CDC16: variants seen among roughly 807,000 people sequenced by gnomAD.
CDC16 encodes the protein cell division cycle protein 16 homolog.
Under a neutral mutation model 87.0 loss-of-function variants are expected in CDC16, and 34 were observed. The ratio of observed to expected loss-of-function variants is 0.39; its 90% CI spans 0.30 to 0.52. The LOEUF is 0.52. Among genes scored for constraint, CDC16 ranks in the 20% least tolerant of loss-of-function variants. The pLI, the probability that CDC16 is intolerant of heterozygous loss-of-function variation, is 0.74. For synonymous variants in CDC16, 263 were observed against 260.6 expected (o/e 1.01, Z -0.09); for missense variants, 653 against 751.9 (o/e 0.87, Z 1.54).
At chr13:114,257,775 G>GT (rs897936585) in intron 13 of CDC16, among the ~76,000 whole-genome samples, 27 of 151,540 alleles carry the variant, frequency 1.8e-4, no homozygotes, top group Non-Finnish European at 3.5e-4. Flanking sequence ...ATTAGTTTCA[G>GT]TTTTTTTTGG....
At chr13:114,257,312 A>G (rs2082560028) in intron 13 of CDC16, 82 bp downstream of exon 13, 3 of 814,792 alleles carry the variant, frequency 3.7e-6, no homozygotes, top group Middle Eastern at 2.4e-4. Flanking sequence ...CACTGACAAA[A>G]GCGACTCTTC....
At chr13:114,263,153 A>G (rs563370181) in intron 16 of CDC16, 139 bp downstream of exon 16, 20 of 721,548 alleles carry the variant, frequency 2.8e-5, no homozygotes, top group African/African-American at 5.4e-5. Context: ...TTTTCTTTGC[A>G]GAGAAAAGCA....
chr13:114,239,053 T>G (rs1282132360), intron 4 of CDC16, 25 bp downstream of exon 4: 46 of 1,607,576 alleles, frequency 2.9e-5, no homozygotes, highest in Non-Finnish European at 3.7e-5. Flanking sequence ...AATTTCATTT[T>G]TATTTGGTTG....
intron 14 of CDC16, among the ~76,000 whole-genome samples, chr13:114,260,770 A>G (rs2082804324): frequency 6.6e-6 from 1 of 152,216 alleles, no homozygotes; most frequent in South Asian, 2.1e-4. Context: ...GTCATGCCTA[A>G]GAGTCATTAA....
chr13:114,251,776 GTC>G (rs537738517), intron 12 of CDC16, among the ~76,000 whole-genome samples: 57 of 152,340 alleles, frequency 3.7e-4, no homozygotes, highest in Admixed American at 5.9e-4. Context: ...CTATTGAGGA[GTC>G]TCTTCCTGGT....
intron 12 of CDC16, among the ~76,000 whole-genome samples, chr13:114,254,114 C>T (rs941939181): frequency 1.3e-5 from 2 of 152,032 alleles, no homozygotes; most frequent in African/African-American, 2.4e-5. Flanking sequence ...TGTAGGCACA[C>T]CAGCTCTCTT....
At position 114,272,460 on chromosome 13, in the gene CDC16, T is replaced by G; in HGVS notation, c.*17T>G. 2 of 1,608,354 alleles carry G rather than the reference T, an allele frequency of 1.2e-6. No individual in the cohort carries two copies. Among genetic ancestry groups the G allele is most frequent in the Non-Finnish European group, 1.7e-6 (2 of 1,175,504 alleles). ...AGCACGTGACTCCAGTCAGTGGTCC[T>G]GGTCCCACTGTCCCAGTGTAGGTTA... On this transcript the variant is annotated 3_prime_UTR_variant, in exon 18 of 18. Transcript: ENST00000356221.
chr13:114,250,559 A>G lies in CDC16; in HGVS notation c.982A>G (p.Thr328Ala), dbSNP rs2082117620. 3.1e-6 allele frequency: 5 copies of G among 1,613,914 alleles called. No homozygotes were observed. The highest frequency in any genetic ancestry group is 2.2e-5 in the East Asian group (1 of 44,872). ...HARRYLSKAT[T>A]LEKTYGPAWI... Reference sequence around the variant, plus strand: ...ACTCTTTTGTTTTAGCAAAGCCACAACACTTGAGAAAACCTATGGACCTGC... The same window carrying G: ...ACTCTTTTGTTTTAGCAAAGCCACAGCACTTGAGAAAACCTATGGACCTGC... The change falls in exon 12 of 18, where the codon ACA becomes GCA. Residue 328 changes from threonine (T) to alanine (A), a missense_variant. Thr to Ala is a moderately conservative substitution (Grantham distance 58, BLOSUM62 0). Coordinates refer to ENST00000356221, the MANE Select transcript of CDC16 (RefSeq NM_001078645.3).
intron 5 of CDC16, 48 bp downstream of exon 5, chr13:114,239,538 C>T (rs571233044): frequency 8.2e-6 from 12 of 1,458,858 alleles, no homozygotes; most frequent in South Asian, 3.3e-5. Context: ...GAGAATTGCC[C>T]TCATTACGTG....
chr13:114,270,191 G>C (rs1280895935), intron 17 of CDC16, among the ~76,000 whole-genome samples: 1 of 152,142 alleles, frequency 6.6e-6, no homozygotes, highest in Non-Finnish European at 1.5e-5. Context: ...GCTGGCATCT[G>C]CTTGGCTTCC....
rs570997407 is a variant in CDC16, at chr13:114,259,769, G to T, written c.1314+371G>T. Among the ~76,000 whole-genome samples, 5 of 152,260 alleles carry T rather than the reference G, an allele frequency of 3.3e-5. No individual in the cohort carries two copies. The South Asian group carries it at 1.0e-3, about 32-fold the overall frequency. ...CTTCAGAGAGCTTCTTTGACTGAAG[G>T]GTAAATAAAGTATAGCAGCAGGTCC... On this transcript the variant is annotated intron_variant, in intron 14 of 17. Coordinates refer to ENST00000356221, the MANE Select transcript of CDC16 (RefSeq NM_001078645.3).
At chr13:114,249,876 C>T (rs1439209046) in intron 11 of CDC16, among the ~76,000 whole-genome samples, 1 of 152,170 alleles carries the variant, frequency 6.6e-6, no homozygotes, top group Non-Finnish European at 1.5e-5. Flanking sequence ...TGGATCTCCT[C>T]AAATTTCTTA....
At chr13:114,261,522 G>T (rs2082860422) in intron 14 of CDC16, among the ~76,000 whole-genome samples, 2 of 151,846 alleles carry the variant, frequency 1.3e-5, no homozygotes, top group Admixed American at 1.3e-4. Flanking sequence ...GGGAGAGATG[G>T]GTGTGGTGTG....
Position 114,272,610 on chromosome 13 carries a change from G to T in CDC16, c.*167G>T. On this transcript the variant is annotated 3_prime_UTR_variant, in exon 18 of 18. Coordinates refer to ENST00000356221, the MANE Select transcript of CDC16 (RefSeq NM_001078645.3). ...GACTGGATCGCACACCTTTGCAACA[G>T]ATGTGTTCTGATTCTCTGAACCTAC... 1.8e-6 allele frequency: 1 copy of T among 545,642 alleles called. No individual in the cohort carries two copies. Among genetic ancestry groups the T allele is most frequent in the South Asian group, 3.0e-5 (1 of 33,460 alleles). The allele number at this position is 545,642 out of a possible 1,614,324, so 33.8% of individuals were successfully genotyped here. A position where few individuals can be genotyped will look rare whatever the true frequency, so the allele number is the denominator to read the frequency against.
intron 11 of CDC16, 160 bp downstream of exon 11, chr13:114,247,164 T>A (rs892752467): frequency 3.2e-5 from 19 of 593,848 alleles, no homozygotes; most frequent in Non-Finnish European, 4.8e-5. Flanking sequence ...TTCTTGCCTT[T>A]TCTTTTCCTT....
intron 10 of CDC16, among the ~76,000 whole-genome samples, chr13:114,246,366 C>T (rs193169249): frequency 3.3e-5 from 5 of 152,314 alleles, no homozygotes; most frequent in Admixed American, 3.3e-4. Flanking sequence ...GCCTCCCTTT[C>T]CTAAGAAATG....
At chr13:114,237,285 T>C (rs938515742) in intron 3 of CDC16, among the ~76,000 whole-genome samples, 22 of 152,118 alleles carry the variant, frequency 1.4e-4, no homozygotes, top group Non-Finnish European at 3.1e-4. Flanking sequence ...ATTATTTAAC[T>C]TGATGCAATT....
intron 1 of CDC16, among the ~76,000 whole-genome samples, chr13:114,236,129 T>C (rs2138833313): frequency 6.6e-6 from 1 of 152,322 alleles, no homozygotes; most frequent in Non-Finnish European, 1.5e-5. Flanking sequence ...TTGTTAGACT[T>C]GGAGGAGGTG....
At chr13:114,266,045 G>A (rs1037935868) in intron 17 of CDC16, among the ~76,000 whole-genome samples, 1 of 152,208 alleles carries the variant, frequency 6.6e-6, no homozygotes, top group African/African-American at 2.4e-5. Context: ...TTGAACTCCT[G>A]ACCTCAGGTG....
Sources: allele counts gnomAD v4.1 joint callset (sites outside exome capture counted in the v4.1 genomes callset), GRCh38; gene constraint gnomAD v4.1.1; transcripts MANE v1.5; gene names NCBI Gene and HGNC (gene_info 2026-07-23, HGNC 2026-07-21).